The following WDPCP variants were observed in gnomAD, a reference collection of about 807,000 sequenced individuals.
WDPCP encodes the protein WD repeat-containing and planar cell polarity effector protein fritz homolog.
Under a neutral mutation model 93.1 loss-of-function variants are expected in WDPCP, and 71 were observed. That is an observed-to-expected ratio of 0.76 (90% CI 0.63 to 0.93). The LOEUF (loss-of-function observed/expected upper bound fraction) is 0.93. Ranked by LOEUF, WDPCP falls within the 40% of genes least tolerant of loss-of-function variation. The pLI, the probability that WDPCP is intolerant of heterozygous loss-of-function variation, is 0.00. For synonymous variants in WDPCP, 315 were observed against 315.0 expected (o/e 1.00, Z 0.00); for missense variants, 844 against 887.4 (o/e 0.95, Z 0.62).
intron 1 of WDPCP, among the ~76,000 whole-genome samples, chr2:63,494,748 G>A (rs1292088320): frequency 6.6e-6 from 1 of 151,948 alleles, no homozygotes; most frequent in Non-Finnish European, 1.5e-5. Context: ...GTGAAACCTC[G>A]TCTCTACTAA....
intron 14 of WDPCP, among the ~76,000 whole-genome samples, chr2:63,193,364 GTTTCTTA>G (rs1413529680): frequency 6.6e-6 from 1 of 152,116 alleles, no homozygotes; most frequent in Non-Finnish European, 1.5e-5. Context: ...TTACAGCCAA[GTTTCTTA>G]TATAAATAAT....
At chr2:63,355,926 A>ACTAACTTTGAATG (rs1201357575) in intron 12 of WDPCP, among the ~76,000 whole-genome samples, 2 of 152,088 alleles carry the variant, frequency 1.3e-5, no homozygotes, top group Admixed American at 1.3e-4. Context: ...ATATATCAAT[A>ACTAACTTTGAATG]CTAACTTTGA....
chr2:63,730,588 C>A (rs1038617489), intron 2 of WDPCP, among the ~76,000 whole-genome samples: 1 of 152,058 alleles, frequency 6.6e-6, no homozygotes, highest in East Asian at 1.9e-4. Context: ...CTTAGCCTCC[C>A]GAGTAGCTGG....
At chr2:63,530,819 C>T (rs4671514) in intron 1 of WDPCP, among the ~76,000 whole-genome samples, 122,389 of 152,154 alleles carry the variant, frequency 0.8, 49,919 homozygotes, top group East Asian at 0.99. Flanking sequence ...ACTGAGGTAC[C>T]GTGTTCATCT....
intron 2 of WDPCP, among the ~76,000 whole-genome samples, chr2:63,743,660 C>G (rs1204791934): frequency 6.6e-6 from 1 of 152,038 alleles, no homozygotes; most frequent in Non-Finnish European, 1.5e-5. Context: ...ATTTGAAAGG[C>G]CATGTGCACA....
intron 2 of WDPCP, among the ~76,000 whole-genome samples, chr2:63,798,347 ATAAC>A (rs1413643530): frequency 3.9e-5 from 6 of 152,198 alleles, no homozygotes; most frequent in African/African-American, 7.2e-5. Flanking sequence ...CCAATCAAAA[ATAAC>A]TACAACAACT....
intron 1 of WDPCP, among the ~76,000 whole-genome samples, chr2:63,497,591 T>C (rs1356343407): frequency 6.6e-6 from 1 of 152,096 alleles, no homozygotes; most frequent in African/African-American, 2.4e-5. Context: ...AATAACTAGA[T>C]GGGCAAGGTG....
At chr2:63,126,555 AC>A (rs1669914127) in intron 17 of WDPCP, among the ~76,000 whole-genome samples, 2 of 152,012 alleles carry the variant, frequency 1.3e-5, no homozygotes, top group South Asian at 4.1e-4. Context: ...CTCAAAGTAA[AC>A]CTATTTCACT....
At chr2:63,505,937 C>T (rs1053787855) in intron 1 of WDPCP, among the ~76,000 whole-genome samples, 1 of 152,106 alleles carries the variant, frequency 6.6e-6, no homozygotes, top group Admixed American at 6.6e-5. Context: ...ACAATTACAT[C>T]AGAGTATGGC....
At chr2:63,284,091 T>A (rs1683791967) in intron 13 of WDPCP, among the ~76,000 whole-genome samples, 1 of 152,198 alleles carries the variant, frequency 6.6e-6, no homozygotes, top group Admixed American at 6.5e-5. Context: ...CTTTTTTTTT[T>A]ACATTAAAAA....
At chr2:63,641,018 G>C (rs1709974441) in intron 3 of WDPCP, among the ~76,000 whole-genome samples, 1 of 152,070 alleles carries the variant, frequency 6.6e-6, no homozygotes, top group Non-Finnish European at 1.5e-5. Flanking sequence ...CTATCTCCAT[G>C]AATTCAGTTG....
chr2:63,755,126 A>G (rs1237578112), intron 2 of WDPCP, among the ~76,000 whole-genome samples: 1 of 152,236 alleles, frequency 6.6e-6, no homozygotes, highest in Non-Finnish European at 1.5e-5. Context: ...TAAGAGAACA[A>G]GATGAAAGCC....
At chr2:63,425,443 C>T (rs1696204458) in intron 9 of WDPCP, among the ~76,000 whole-genome samples, 1 of 152,120 alleles carries the variant, frequency 6.6e-6, no homozygotes, top group Non-Finnish European at 1.5e-5. Context: ...CATCAAGATT[C>T]AGCAGAAAGT....
At chr2:63,341,914 A>G (rs1456173651) in intron 12 of WDPCP, among the ~76,000 whole-genome samples, 1 of 152,066 alleles carries the variant, frequency 6.6e-6, no homozygotes, top group Non-Finnish European at 1.5e-5. Flanking sequence ...CTTTGAACCT[A>G]TTTGTGTCTT....
chr2:63,688,339 ATG>A (rs1359203686), intron 2 of WDPCP, among the ~76,000 whole-genome samples: 2 of 152,020 alleles, frequency 1.3e-5, no homozygotes, highest in Admixed American at 1.3e-4. Flanking sequence ...AGGCAGGAAA[ATG>A]GCGTGAACCT....
At chr2:63,332,717 T>C (rs1212784529) in intron 12 of WDPCP, among the ~76,000 whole-genome samples, 1 of 152,196 alleles carries the variant, frequency 6.6e-6, no homozygotes, top group Admixed American at 6.5e-5. Flanking sequence ...ATGGTGTCTT[T>C]TGAAGAGCAG....
intron 2 of WDPCP, among the ~76,000 whole-genome samples, chr2:63,656,629 G>A (rs1274113395): frequency 6.6e-6 from 1 of 152,210 alleles, no homozygotes; most frequent in Non-Finnish European, 1.5e-5. Flanking sequence ...AAGCCGACTT[G>A]AGCAACTAAA....
chr2:63,372,760 G>C (rs577511765), intron 12 of WDPCP, among the ~76,000 whole-genome samples: 3 of 152,190 alleles, frequency 2.0e-5, no homozygotes, highest in Non-Finnish European at 4.4e-5. Flanking sequence ...CCAGAGAATT[G>C]ATTTTTCTGT....
Position 63,174,703 on chromosome 2 carries a change from A to G in WDPCP, c.2045T>C (p.Leu682Ser). 8 of 1,613,964 alleles carry G rather than the reference A, an allele frequency of 5.0e-6. No homozygotes were observed. Among genetic ancestry groups the G allele is most frequent in the Non-Finnish European group, 6.8e-6 (8 of 1,179,906 alleles). Residue 682 changes from leucine to serine, a missense_variant, in exon 15 of 18, where the codon TTA (leucine) becomes TCA (serine). Leu to Ser is a moderately radical substitution (Grantham distance 145). Coordinates refer to ENST00000272321, the MANE Select transcript of WDPCP (RefSeq NM_015910.7). ...AGAGCCATTCAGTATTCTTTGTTGTAAAATATGTCTGTGGGTTGGGCAAGA... is the reference window on the plus strand; with the variant it reads ...AGAGCCATTCAGTATTCTTTGTTGTGAAATATGTCTGTGGGTTGGGCAAGA... ...PPSCPTHRHI[L>S]QQRILNGSSN... is the part of the protein sequence containing the mutation.
Sources: gnomAD v4.1 joint callset for allele counts (sites outside exome capture counted in the v4.1 genomes callset) on GRCh38, gnomAD v4.1.1 for gene constraint, MANE v1.5 for transcripts, NCBI Gene and HGNC (gene_info 2026-07-23, HGNC 2026-07-21) for gene names.